Variants in NECTIN1 observed in about 807,000 individuals in gnomAD.
The protein encoded by NECTIN1 is nectin cell adhesion molecule 1.
A neutral mutation model predicts 48.0 loss-of-function variants in NECTIN1; 23 were observed. That is an observed-to-expected ratio of 0.48 (90% CI 0.34 to 0.68). The LOEUF is 0.68. Among genes scored for constraint, NECTIN1 ranks in the 30% least tolerant of loss-of-function variants. The pLI, the probability that NECTIN1 is intolerant of heterozygous loss-of-function variation, is 0.01. For missense variants in NECTIN1, 591 were observed against 709.9 expected, an observed-to-expected ratio of 0.83 and a Z score of 1.90; for synonymous variants, 270 against 288.9, an observed-to-expected ratio of 0.93 and a Z score of 0.66.
At chr11:119,657,512 G>C (rs1392548463), downstream of NECTIN1, among the ~76,000 whole-genome samples, 2 of 150,924 alleles carry the variant, frequency 1.3e-5, no homozygotes, top group Non-Finnish European at 2.9e-5. Context: ...CTATTGGGGA[G>C]CCTGAGGTAG....
At chr11:119,702,674 C>CT (rs982379538) in intron 1 of NECTIN1, among the ~76,000 whole-genome samples, 1 of 152,166 alleles carries the variant, frequency 6.6e-6, no homozygotes, top group Non-Finnish European at 1.5e-5. Context: ...AGCTCTGTGA[C>CT]TTTTTTTTCT....
intron 4 of NECTIN1, among the ~76,000 whole-genome samples, chr11:119,676,601 A>C (rs1056850937): frequency 2.0e-5 from 3 of 152,240 alleles, no homozygotes; most frequent in Admixed American, 1.3e-4. Context: ...GAGGCCAAGA[A>C]GGGGATGGTG....
intron 1 of NECTIN1, among the ~76,000 whole-genome samples, chr11:119,721,570 C>T (rs1431846264): frequency 6.6e-6 from 1 of 152,230 alleles, no homozygotes; most frequent in Non-Finnish European, 1.5e-5. Flanking sequence ...GGTAATGAGA[C>T]TCCTCATAAA....
At chr11:119,685,875 G>C (rs11217397) in intron 1 of NECTIN1, among the ~76,000 whole-genome samples, 8,857 of 152,234 alleles carry the variant, frequency 0.058, 823 homozygotes, top group African/African-American at 0.2. Flanking sequence ...GGTTTCCTTT[G>C]CTGTAAAATG....
At chr11:119,638,136 A>C (rs1413909916) in exon 8 of NECTIN1, 4 of 1,613,498 alleles carry the variant, frequency 2.5e-6, no homozygotes, top group Non-Finnish European at 3.4e-6. Context: ...GTCCTTACCG[A>C]GGGGTGGTAG....
Position 119,664,267 on chromosome 11 carries a change from G to A in NECTIN1, c.*480C>T. 3 of 993,354 alleles carry A rather than the reference G, an allele frequency of 3.0e-6. No individual in the cohort carries two copies. Among genetic ancestry groups the A allele is most frequent in the Non-Finnish European group, 3.6e-6 (3 of 834,596 alleles). 61.5% of individuals were successfully genotyped at this position (993,354 alleles called of 1,614,324 possible). On this transcript the variant is annotated 3_prime_UTR_variant, in exon 6 of 6. Transcript: ENST00000264025. ...CCAGCTGCATCAGATTTCACTGGTG[G>A]GTGTTGGGTTCCCTCTAGCCGGGAG... is the stretch of plus-strand genomic sequence containing the variant.
chr11:119,678,380 C>A lies in NECTIN1; in HGVS notation c.430+35G>T, dbSNP rs1474714762. On this transcript the variant is annotated intron_variant, in intron 2 of 5. Coordinates refer to ENST00000264025, the MANE Select transcript of NECTIN1 (RefSeq NM_002855.5). The surrounding 1 kb of genome is among the most constrained non-coding windows in gnomAD (Gnocchi z 4.4). ...GGCCACGCCCCGAGGTCACAGGCCT[C>A]TGGATGAACAGGGAGGGGGCCCAGG... is the stretch of plus-strand genomic sequence containing the variant. The A allele has an allele frequency of 1.3e-6, 2 of 1,594,172 alleles. No homozygotes were observed. The highest frequency in any genetic ancestry group is 8.6e-7 in the Non-Finnish European group (1 of 1,162,244).
At chr11:119,656,753 C>A (rs1444196748), downstream of NECTIN1, among the ~76,000 whole-genome samples, 1 of 152,192 alleles carries the variant, frequency 6.6e-6, no homozygotes, top group Non-Finnish European at 1.5e-5. Flanking sequence ...ACAGGCCCTG[C>A]CACCCTCCCC....
intron 5 of NECTIN1, among the ~76,000 whole-genome samples, chr11:119,653,627 TG>T (rs1864523838): frequency 6.6e-6 from 1 of 152,210 alleles, no homozygotes. Context: ...ACTTGGCAAG[TG>T]TCTTACTTCT....
At chr11:119,715,937 C>T (rs1865736831) in intron 1 of NECTIN1, among the ~76,000 whole-genome samples, 1 of 152,222 alleles carries the variant, frequency 6.6e-6, no homozygotes, top group South Asian at 2.1e-4. Context: ...TTGCTGTCTA[C>T]AGCTCCCACC....
At chr11:119,712,645 C>T (rs1174353722) in intron 1 of NECTIN1, among the ~76,000 whole-genome samples, 1 of 152,130 alleles carries the variant, frequency 6.6e-6, no homozygotes, top group African/African-American at 2.4e-5. Flanking sequence ...CCCCAGCCAC[C>T]ACAAGGCTTA....
At chr11:119,679,115 C>T (rs906830) in intron 1 of NECTIN1, among the ~76,000 whole-genome samples, 52,201 of 152,036 alleles carry the variant, frequency 0.34, 9,741 homozygotes, top group East Asian at 0.48. Context: ...AGATTATAAA[C>T]ATCACTCTGT....
intron 5 of NECTIN1, among the ~76,000 whole-genome samples, chr11:119,648,973 C>T (rs566727167): frequency 4.6e-4 from 70 of 152,286 alleles, no homozygotes; most frequent in African/African-American, 1.5e-3. Context: ...CTAGAGTAGA[C>T]GAGTGGGACT....
chr11:119,644,688 A>G (rs7931981), intron 5 of NECTIN1, among the ~76,000 whole-genome samples: 142,044 of 152,288 alleles, frequency 0.93, 67,020 homozygotes, highest in East Asian at 1. Flanking sequence ...GGCCTTCTGA[A>G]CAGGGTTTTG....
At chr11:119,697,215 G>A (rs530622438) in intron 1 of NECTIN1, among the ~76,000 whole-genome samples, 4 of 152,310 alleles carry the variant, frequency 2.6e-5, no homozygotes, top group African/African-American at 9.6e-5. Flanking sequence ...AGAGAGGGGG[G>A]TAGGGAAATG....
Position 119,662,618 on chromosome 11 carries a change from C to A in NECTIN1, c.*2129G>T. 2.0e-6 allele frequency: 2 copies of A among 985,586 alleles called. No individual in the cohort carries two copies. The highest frequency in any genetic ancestry group is 4.7e-5 in the South Asian group (1 of 21,268). 61.1% of individuals were successfully genotyped at this position (985,586 alleles called of 1,614,324 possible). On this transcript the variant is annotated 3_prime_UTR_variant, in exon 6 of 6. Transcript: ENST00000264025. The surrounding 1 kb of genome is among the most constrained non-coding windows in gnomAD (Gnocchi z 5.3). The stretch of plus-strand genomic sequence containing the variant: ...ACAGGAAATGCCTCTATCAGGCAGG[C>A]CCCTGGGATTGCCTCCTGCCTGGGG...
At position 119,642,828 on chromosome 11, in the gene NECTIN1, T is replaced by C. The variant is rs187195497; in HGVS notation, c.1004-2816A>G. ...TACAATGTAAATGCTGTGTAAATGGTTGTAATACTGCATTATTTAGGAATA... is the reference window on the plus strand; with the variant it reads ...TACAATGTAAATGCTGTGTAAATGGCTGTAATACTGCATTATTTAGGAATA... On this transcript the variant is annotated intron_variant, in intron 5 of 7. Coordinates refer to the NECTIN1 transcript ENST00000341398. 8.1e-4 allele frequency: 124 copies of C among 153,832 alleles called. 1 individual carries two copies. In the East Asian group the frequency reaches 0.023, roughly 28 times the overall value. The allele number at this position is 153,832 out of a possible 1,614,324, so 9.5% of individuals were successfully genotyped here.
chr11:119,650,312 G>A (rs1203112038), intron 5 of NECTIN1, among the ~76,000 whole-genome samples: 1 of 152,224 alleles, frequency 6.6e-6, no homozygotes, highest in Non-Finnish European at 1.5e-5. Flanking sequence ...ACAGAGGTCT[G>A]TGCTCCTTCC....
chr11:119,658,923 A>G (rs1216220853), downstream of NECTIN1: 1 of 152,072 alleles, frequency 6.6e-6, no homozygotes, highest in Non-Finnish European at 1.5e-5. Flanking sequence ...TTCGTTCTCC[A>G]TGTGCAGAAT....
Sources: allele counts gnomAD v4.1 joint callset (sites outside exome capture counted in the v4.1 genomes callset), GRCh38; gene constraint gnomAD v4.1.1; non-coding constraint Gnocchi (gnomAD v3.1); transcripts MANE v1.5; gene names NCBI Gene and HGNC (gene_info 2026-07-23, HGNC 2026-07-21).